PHACTR1: variants seen among roughly 807,000 people sequenced by gnomAD.
PHACTR1 encodes phosphatase and actin regulator 1.
A neutral mutation model predicts 69.2 loss-of-function variants in PHACTR1; 16 were observed. The observed-to-expected ratio is 0.23, with a 90% CI of 0.16 to 0.35. The LOEUF is 0.35. Ranked by LOEUF, PHACTR1 falls within the 10% of genes least tolerant of loss-of-function variation. The probability of loss-of-function intolerance (pLI) is 1.00; values close to 1 mark genes in which losing one functional copy is unlikely to be tolerated. For missense variants in PHACTR1, 510 were observed against 734.7 expected, an observed-to-expected ratio of 0.69 and a Z score of 3.54; for synonymous variants, 312 against 284.5, an observed-to-expected ratio of 1.10 and a Z score of -0.97.
intron 5 of PHACTR1, among the ~76,000 whole-genome samples, chr6:13,152,794 G>A (rs1480829868): frequency 6.6e-6 from 1 of 152,190 alleles, no homozygotes; most frequent in African/African-American, 2.4e-5. Context: ...AATCCCAAGA[G>A]CAAGGGGCAT....
chr6:13,204,398 G>T (rs796224984), intron 7 of PHACTR1, among the ~76,000 whole-genome samples: 41 of 151,844 alleles, frequency 2.7e-4, no homozygotes, highest in African/African-American at 9.4e-4. Context: ...TGCCAGTGGG[G>T]CATTGAGACT....
intron 7 of PHACTR1, among the ~76,000 whole-genome samples, chr6:13,203,338 A>G (rs12193156): frequency 0.21 from 32,462 of 152,176 alleles, 4,218 homozygotes; most frequent in Non-Finnish European, 0.29. Flanking sequence ...GTAAACAGGA[A>G]GTGCAGCATA....
At chr6:12,944,864 G>C (rs1328789216) in intron 4 of PHACTR1, among the ~76,000 whole-genome samples, 1 of 151,410 alleles carries the variant, frequency 6.6e-6, no homozygotes, top group African/African-American at 2.4e-5. Context: ...CTCACTGCGA[G>C]CTCCGCCTCC....
intron 4 of PHACTR1, among the ~76,000 whole-genome samples, chr6:12,783,532 C>T (rs1410910791): frequency 2.6e-5 from 4 of 152,190 alleles, no homozygotes; most frequent in Admixed American, 6.5e-5. Context: ...ATGGGCTTCA[C>T]CTATTCATGG....
intron 4 of PHACTR1, among the ~76,000 whole-genome samples, chr6:12,850,662 A>G (rs550184260): frequency 6.6e-6 from 1 of 152,326 alleles, no homozygotes; most frequent in African/African-American, 2.4e-5. Flanking sequence ...CAGCAGGGCC[A>G]TGCTCTATCT....
At chr6:12,991,872 C>T (rs1471410171) in intron 4 of PHACTR1, among the ~76,000 whole-genome samples, 1 of 151,742 alleles carries the variant, frequency 6.6e-6, no homozygotes, top group Non-Finnish European at 1.5e-5. Context: ...ATGTAATAAG[C>T]CTTGCAAATT....
rs972987380 is a variant in PHACTR1, at chr6:13,025,937, G to C, written c.251-27428G>C. ...AAGTTGGAACAGTTGTATAGTCCCT[G>C]TGCTCTCCTCTTAACATTGTTGATG... On this transcript the variant is annotated intron_variant, in intron 4 of 14. Transcript: ENST00000332995. Among the ~76,000 whole-genome samples the C allele has an allele frequency of 2.0e-5, 3 of 152,122 alleles. No individual in the cohort carries two copies. In the South Asian group the frequency reaches 6.2e-4, roughly 32 times the overall value.
At chr6:13,006,660 TAC>T (rs71819721) in intron 4 of PHACTR1, among the ~76,000 whole-genome samples, 392 of 149,402 alleles carry the variant, frequency 2.6e-3, no homozygotes, top group African/African-American at 6.9e-3. Flanking sequence ...TGATATATGA[TAC>T]ACACACACAC....
At chr6:12,767,030 T>G (rs147421304) in intron 4 of PHACTR1, among the ~76,000 whole-genome samples, 182 of 152,318 alleles carry the variant, frequency 1.2e-3, no homozygotes, top group African/African-American at 4.2e-3. Flanking sequence ...AGGAGATATT[T>G]TGTCCCCTCA....
chr6:13,109,371 T>C (rs11962390), intron 5 of PHACTR1, among the ~76,000 whole-genome samples: 1 of 151,984 alleles, frequency 6.6e-6, no homozygotes. Flanking sequence ...TGAAAAGTTC[T>C]TGATTTTACC....
chr6:12,801,064 T>G (rs1773638640), intron 4 of PHACTR1, among the ~76,000 whole-genome samples: 3 of 152,240 alleles, frequency 2.0e-5, no homozygotes, highest in Admixed American at 6.5e-5. Flanking sequence ...TTAGGGCCTT[T>G]GATTTTTGTT....
At chr6:13,082,579 C>T (rs1027035377) in intron 5 of PHACTR1, among the ~76,000 whole-genome samples, 2 of 152,114 alleles carry the variant, frequency 1.3e-5, no homozygotes, top group African/African-American at 4.8e-5. Flanking sequence ...GTAAAAGTGT[C>T]CCTATTTCTC....
intron 3 of PHACTR1, among the ~76,000 whole-genome samples, chr6:12,747,817 G>A (rs924641494): frequency 6.6e-6 from 1 of 152,024 alleles, no homozygotes; most frequent in East Asian, 1.9e-4. Flanking sequence ...GATTTGTTGG[G>A]GTGGCTCCAA....
Position 12,855,012 on chromosome 6 carries a change from A to G in PHACTR1, c.250+105222A>G, listed in dbSNP as rs550085755. 1.1e-4 allele frequency among the ~76,000 whole-genome samples: 17 copies of G among 152,346 alleles called. No individual in the cohort carries two copies. In the South Asian group the frequency reaches 1.9e-3, roughly 17 times the overall value. On this transcript the variant is annotated intron_variant, in intron 4 of 14. Transcript: ENST00000332995. ...ACAACTAAAAATACATAGAACTACA[A>G]TTTGACCCAGCAATCCCGTTAGTGG... is the stretch of plus-strand genomic sequence containing the variant.
chr6:12,916,687 G>A (rs372115401), intron 4 of PHACTR1, among the ~76,000 whole-genome samples: 1 of 151,954 alleles, frequency 6.6e-6, no homozygotes, highest in Non-Finnish European at 1.5e-5. Flanking sequence ...TCTGCAGTTG[G>A]GAGAGCAACA....
chr6:13,073,331 A>ATTT (rs10664160), intron 5 of PHACTR1, among the ~76,000 whole-genome samples: 12,316 of 65,566 alleles, frequency 0.19, 3,419 homozygotes, highest in East Asian at 0.3. Context: ...CATTCCATGA[A>ATTT]TTTTTTTTTT....
chr6:12,794,199 C>T (rs1015086429), intron 4 of PHACTR1, among the ~76,000 whole-genome samples: 4 of 152,178 alleles, frequency 2.6e-5, no homozygotes, highest in African/African-American at 7.2e-5. Context: ...ATATGAGACC[C>T]CTTCTTCTTC....
At chr6:12,949,159 A>G (rs1398272726) in intron 4 of PHACTR1, among the ~76,000 whole-genome samples, 1 of 151,982 alleles carries the variant, frequency 6.6e-6, no homozygotes, top group Non-Finnish European at 1.5e-5. Context: ...AATCCCAGCT[A>G]CTTGGGAGAC....
In PHACTR1 at chr6:12,884,972, A is replaced by G. The variant is rs143910707; in HGVS notation, c.250+135182A>G. Among the ~76,000 whole-genome samples the G allele has an allele frequency of 3.5e-3, 527 of 152,302 alleles. 6 individuals are homozygous for G. The highest frequency in any genetic ancestry group is 0.012 in the African/African-American group (495 of 41,556). On this transcript the variant is annotated intron_variant, in intron 4 of 14. Transcript: ENST00000332995. ...GTGGAGTTTTCTCGATAATTTAGCA[A>G]TCTGCTAAATTATTGGAGTCGAGTC...
Sources: gnomAD v4.1 joint callset for allele counts (sites outside exome capture counted in the v4.1 genomes callset) on GRCh38, gnomAD v4.1.1 for gene constraint, MANE v1.5 for transcripts, NCBI Gene and HGNC (gene_info 2026-07-23, HGNC 2026-07-21) for gene names.